Variants in CNKSR2 observed in about 807,000 individuals in gnomAD.
CNKSR2 encodes CNK homolog protein 2.
Under a neutral mutation model 84.4 loss-of-function variants are expected in CNKSR2, and 14 were observed. The observed-to-expected ratio is 0.17, with a 90% CI of 0.11 to 0.26. CNKSR2 has a LOEUF of 0.26. CNKSR2 is among the 10% of genes least tolerant of loss of function. The pLI is 1.00. For synonymous variants in CNKSR2, 275 were observed against 277.9 expected (o/e 0.99, Z 0.10); for missense variants, 485 against 771.2 (o/e 0.63, Z 4.40).
At position 21,374,600 on chromosome X, in the gene CNKSR2, A is replaced by AGCG. The variant is rs2089770779; in HGVS notation, c.-296_-295insGGC. On this transcript the variant is annotated 5_prime_UTR_variant, in exon 1 of 22. Transcript: ENST00000379510. ...ACCGGAGCGGAGCGGCGGAGGCAGCAGCAGCAGCAGCAGCAGCAGCAGCAG... is the reference window on the plus strand; with the variant it reads ...ACCGGAGCGGAGCGGCGGAGGCAGCAGCGGCAGCAGCAGCAGCAGCAGCAGCAG... The AGCG allele has an allele frequency of 1.1e-5, 5 of 458,231 alleles. No individual in the cohort carries two copies. Among genetic ancestry groups the AGCG allele is most frequent in the African/African-American group, 5.4e-5 (2 of 37,313 alleles). The allele number at this position is 458,231 out of a possible 1,213,427, so 37.8% of individuals were successfully genotyped here.
chrX:21,418,579 G>T (rs1601763505), intron 1 of CNKSR2, among the ~76,000 whole-genome samples: 1 of 111,381 alleles, frequency 9.0e-6, no homozygotes, highest in Admixed American at 9.5e-5. Context: ...TAGGGTAAAA[G>T]TTTTTTCCTT....
intron 17 of CNKSR2, among the ~76,000 whole-genome samples, chrX:21,598,603 C>T (rs918221022): frequency 8.0e-5 from 9 of 112,091 alleles, no homozygotes; most frequent in African/African-American, 2.3e-4. Context: ...ATTCTAAATT[C>T]AATATTGTAT....
intron 3 of CNKSR2, among the ~76,000 whole-genome samples, chrX:21,440,277 A>G (rs73635528): frequency 0.091 from 10,113 of 111,201 alleles, 1,150 homozygotes; most frequent in African/African-American, 0.31. Context: ...GTGAGCCCTC[A>G]GTAAACCTTA....
At chrX:21,424,056 C>G (rs1292460403) in intron 1 of CNKSR2, 1 of 111,202 alleles carries the variant, frequency 9.0e-6, no homozygotes, top group Admixed American at 9.5e-5. Context: ...ATTGGTTTGC[C>G]TGTGAGTTAC....
intron 11 of CNKSR2, among the ~76,000 whole-genome samples, chrX:21,555,946 T>G (rs1360049532): frequency 9.0e-6 from 1 of 110,907 alleles, no homozygotes. Context: ...AACATGGGAA[T>G]GTATGTAGAT....
chrX:21,549,560 A>C (rs1165627069), intron 11 of CNKSR2, among the ~76,000 whole-genome samples: 1 of 112,222 alleles, frequency 8.9e-6, no homozygotes, highest in Admixed American at 9.4e-5. Context: ...ATTAGAAAAA[A>C]ACTACTTTAG....
At chrX:21,387,931 G>A (rs778523700) in intron 1 of CNKSR2, among the ~76,000 whole-genome samples, 4 of 110,164 alleles carry the variant, frequency 3.6e-5, no homozygotes, top group African/African-American at 1.3e-4. Flanking sequence ...ATGGAGTCTC[G>A]CTCTGTCGCC....
intron 1 of CNKSR2, among the ~76,000 whole-genome samples, chrX:21,403,869 A>G (rs1280913264): frequency 8.9e-6 from 1 of 111,917 alleles, no homozygotes; most frequent in Non-Finnish European, 1.9e-5. Flanking sequence ...TACAGCTGCT[A>G]TGTTATATTT....
chrX:21,528,686 G>T (rs974530397), intron 10 of CNKSR2, among the ~76,000 whole-genome samples: 2 of 111,101 alleles, frequency 1.8e-5, no homozygotes, highest in Non-Finnish European at 3.8e-5. Flanking sequence ...TGTCAGTATT[G>T]CTTGAAAACT....
intron 4 of CNKSR2, among the ~76,000 whole-genome samples, chrX:21,451,716 G>C (rs1308588313): frequency 3.1e-5 from 2 of 65,298 alleles, no homozygotes; most frequent in Admixed American, 2.1e-4. Context: ...GGGGAGGGGG[G>C]AGGGATAGCA....
At chrX:21,386,507 T>C (rs2089972119) in intron 1 of CNKSR2, among the ~76,000 whole-genome samples, 1 of 112,029 alleles carries the variant, frequency 8.9e-6, no homozygotes, top group African/African-American at 3.2e-5. Context: ...AAAATGGTAA[T>C]GAAAGGCACA....
chrX:21,555,642 C>T (rs1656869928), intron 11 of CNKSR2, among the ~76,000 whole-genome samples: 1 of 111,345 alleles, frequency 9.0e-6, no homozygotes, highest in African/African-American at 3.3e-5. Context: ...CTTAACTATA[C>T]TCACTATACT....
chrX:21,565,375 A>G (rs1000790727), intron 13 of CNKSR2, among the ~76,000 whole-genome samples: 1 of 111,613 alleles, frequency 9.0e-6, no homozygotes, highest in Admixed American at 9.6e-5. Context: ...TATTGCGAAT[A>G]TTTTTGAGGA....
intron 13 of CNKSR2, among the ~76,000 whole-genome samples, chrX:21,584,383 T>A (rs1307524789): frequency 8.9e-6 from 1 of 112,499 alleles, no homozygotes; most frequent in East Asian, 2.8e-4. Flanking sequence ...CTGTGCTAAG[T>A]CTTACTCTAG....
At chrX:21,397,046 A>G (rs185581003) in intron 1 of CNKSR2, among the ~76,000 whole-genome samples, 15 of 111,508 alleles carry the variant, frequency 1.3e-4, no homozygotes, top group Admixed American at 1.2e-3. Flanking sequence ...TAAGATTCTG[A>G]AATGCCAAAC....
intron 5 of CNKSR2, among the ~76,000 whole-genome samples, chrX:21,478,767 A>G (rs2091285175): frequency 9.0e-6 from 1 of 111,698 alleles, no homozygotes; most frequent in Admixed American, 9.5e-5. Context: ...GGCTTGGAGT[A>G]TCTGTGACTT....
chrX:21,596,171 G>C (rs1276032545), intron 17 of CNKSR2, among the ~76,000 whole-genome samples: 1 of 111,387 alleles, frequency 9.0e-6, no homozygotes, highest in Non-Finnish European at 1.9e-5. Flanking sequence ...CTAAATCCCA[G>C]CTCTACCACT....
chrX:21,550,471 C>A (rs751591966), intron 11 of CNKSR2, among the ~76,000 whole-genome samples: 36 of 111,985 alleles, frequency 3.2e-4, no homozygotes, highest in African/African-American at 1.1e-3. Flanking sequence ...TGTTGGTGGG[C>A]CTGTAAATTA....
intron 20 of CNKSR2, chrX:21,641,969 T>C: frequency 2.6e-6 from 2 of 765,459 alleles, no homozygotes; most frequent in Non-Finnish European, 3.1e-6. Flanking sequence ...CTCAGTTGTG[T>C]TCTCCTGACA....
Sources: allele counts gnomAD v4.1 joint callset (sites outside exome capture counted in the v4.1 genomes callset), GRCh38; gene constraint gnomAD v4.1.1; transcripts MANE v1.5; gene names NCBI Gene and HGNC (gene_info 2026-07-23, HGNC 2026-07-21).